CTR9: variants seen among roughly 807,000 people sequenced by gnomAD.
CTR9 encodes RNA polymerase-associated protein CTR9 homolog.
CTR9 carries 41 observed loss-of-function variants against 152.1 expected under a neutral mutation model. The observed-to-expected ratio is 0.27, with a 90% CI of 0.21 to 0.35. The LOEUF (loss-of-function observed/expected upper bound fraction) is 0.35, where lower values mean the gene tolerates loss of function less well. Ranked by LOEUF, CTR9 falls within the 10% of genes least tolerant of loss-of-function variation. CTR9 has a pLI of 1.00. For missense variants in CTR9, 917 were observed against 1,424.4 expected (o/e 0.64, Z 5.73); for synonymous variants, 476 against 496.2 (o/e 0.96, Z 0.54).
chr11:10,756,161 A>G (rs1262977533), intron 4 of CTR9, among the ~76,000 whole-genome samples: 1 of 152,198 alleles, frequency 6.6e-6, no homozygotes, highest in Non-Finnish European at 1.5e-5. Flanking sequence ...TAATTTTTTC[A>G]AAAAAGAGTA....
At chr11:10,774,670 G>C (rs1381641953) in intron 22 of CTR9, among the ~76,000 whole-genome samples, 4 of 152,200 alleles carry the variant, frequency 2.6e-5, no homozygotes, top group Non-Finnish European at 5.9e-5. Flanking sequence ...ATGCGGAGGT[G>C]CCTCCTAAGC....
intron 16 of CTR9, 128 bp downstream of exon 16, chr11:10,768,619 A>G: frequency 3.2e-6 from 3 of 946,318 alleles, no homozygotes; most frequent in East Asian, 2.9e-5. Context: ...TTAGAGATTT[A>G]TAATTATATA....
At chr11:10,761,098 TG>T (rs1862968514) in intron 6 of CTR9, among the ~76,000 whole-genome samples, 1 of 152,198 alleles carries the variant, frequency 6.6e-6, no homozygotes, top group South Asian at 2.1e-4. Context: ...GATAATTCTT[TG>T]TTGTGGGGAA....
chr11:10,775,696 T>C, intron 24 of CTR9, 63 bp downstream of exon 24: 1 of 1,086,222 alleles, frequency 9.2e-7, no homozygotes, highest in Non-Finnish European at 1.4e-6. Flanking sequence ...TGATTACTAA[T>C]CAGCCTGTCT....
At chr11:10,752,991 A>G (rs1335459401) in intron 2 of CTR9, among the ~76,000 whole-genome samples, 3 of 152,198 alleles carry the variant, frequency 2.0e-5, no homozygotes, top group Admixed American at 2.0e-4. Context: ...GGCAAAATTC[A>G]TTTAAGTAGT....
chr11:10,764,766 C>T (rs367711304), intron 12 of CTR9, 35 bp downstream of exon 12: 73 of 1,503,948 alleles, frequency 4.9e-5, no homozygotes, highest in Non-Finnish European at 5.4e-5. Flanking sequence ...TAATGAAATC[C>T]GTTCATTCCC....
At chr11:10,755,329 A>AG in intron 3 of CTR9, 132 bp downstream of exon 3, 1 of 1,099,040 alleles carries the variant, frequency 9.1e-7, no homozygotes, top group Non-Finnish European at 1.3e-6. Context: ...AAAAGAAGAA[A>AG]GGTTCCTCAT....
At chr11:10,771,156 A>G (rs1238156214) in intron 18 of CTR9, among the ~76,000 whole-genome samples, 1 of 152,226 alleles carries the variant, frequency 6.6e-6, no homozygotes, top group African/African-American at 2.4e-5. Context: ...GTGTGGTGAA[A>G]TTAAAACCTG....
intron 16 of CTR9, among the ~76,000 whole-genome samples, chr11:10,768,971 T>C (rs1013019535): frequency 3.9e-5 from 6 of 152,050 alleles, no homozygotes; most frequent in African/African-American, 1.5e-4. Flanking sequence ...CCCAGCACTT[T>C]GGGAGGCTGA....
chr11:10,751,337 T>C lies in CTR9; in HGVS notation c.-76T>C. On this transcript the variant is annotated 5_prime_UTR_variant, in exon 1 of 25. Coordinates refer to ENST00000361367, the MANE Select transcript of CTR9 (RefSeq NM_014633.5). ...ACCAGAGCCGGAGCCGTCACTCACCTCTGGATTAGCCTGAAGCGGAGACTA... is the reference window on the plus strand; with the variant it reads ...ACCAGAGCCGGAGCCGTCACTCACCCCTGGATTAGCCTGAAGCGGAGACTA... The C allele has an allele frequency of 6.6e-7, 1 of 1,522,354 alleles. No individual in the cohort carries two copies. The highest frequency in any genetic ancestry group is 9.1e-7 in the Non-Finnish European group (1 of 1,100,176). The allele number at this position is 1,522,354 out of a possible 1,614,324, so 94.3% of individuals were successfully genotyped here.
In CTR9 at chr11:10,761,917, A is replaced by T. The variant is rs747052740; in HGVS notation, c.742-30A>T. 4 of 1,426,938 alleles carry T rather than the reference A, an allele frequency of 2.8e-6. No individual in the cohort carries two copies. In the Admixed American group the frequency reaches 8.2e-5, roughly 29 times the overall value. The allele number at this position is 1,426,938 out of a possible 1,614,324, so 88.4% of individuals were successfully genotyped here. A position where few individuals can be genotyped will look rare whatever the true frequency, so the allele number is the denominator to read the frequency against. On this transcript the variant is annotated intron_variant, in intron 6 of 24. Coordinates refer to ENST00000361367, the MANE Select transcript of CTR9 (RefSeq NM_014633.5). ...AAAGTGCTAATTTAGTATTGTTTTC[A>T]CTCCACCTTGTTGCAATGTTTTCTT...
chr11:10,768,325 A>G lies in CTR9; in HGVS notation c.1961-18A>G, dbSNP rs1336776248. The G allele has an allele frequency of 1.9e-6, 3 of 1,603,470 alleles. No individual in the cohort carries two copies. In the African/African-American group the frequency reaches 4.0e-5, roughly 22 times the overall value. On this transcript the variant is annotated intron_variant, in intron 15 of 24. Transcript: ENST00000361367. ...CCAATTAGAAAATTGTTAAGTGTGAACCTTTTTATATCTTTAGGAGCTGTT... is the reference window on the plus strand; with the variant it reads ...CCAATTAGAAAATTGTTAAGTGTGAGCCTTTTTATATCTTTAGGAGCTGTT...
At chr11:10,777,513 C>T (rs999262907) in intron 24 of CTR9, among the ~76,000 whole-genome samples, 2 of 152,144 alleles carry the variant, frequency 1.3e-5, no homozygotes, top group African/African-American at 4.8e-5. Flanking sequence ...TAGTGTTACC[C>T]AGGTCTGTTT....
At chr11:10,772,416 A>G (rs1015175814) in intron 19 of CTR9, 104 bp from the exon 20 acceptor site, 173 of 976,008 alleles carry the variant, frequency 1.8e-4, no homozygotes, top group Non-Finnish European at 2.3e-4. Context: ...AGATCAGCTA[A>G]TGGTCCTGCT....
At position 10,772,634 on chromosome 11, in the gene CTR9, G is replaced by A. The variant is rs1271949752; in HGVS notation, c.2559G>A (p.Arg853=). ...AAGAGCAAGAAAAGGAGCTGTTAAGGCAGAAACTTCTTAAAGAACAGGTAT... is the reference window on the plus strand; with the variant it reads ...AAGAGCAAGAAAAGGAGCTGTTAAGACAGAAACTTCTTAAAGAACAGGTAT... ...AKQEQEKELL[R]QKLLKEQEEK... is the part of the protein sequence containing the mutation. Residue 853 remains arginine (R), a synonymous_variant, in exon 20 of 25, where the codon AGG becomes AGA. Coordinates refer to ENST00000361367, the MANE Select transcript of CTR9 (RefSeq NM_014633.5). 1.2e-6 allele frequency: 2 copies of A among 1,602,268 alleles called. No homozygotes were observed. The highest frequency in any genetic ancestry group is 1.7e-6 in the Non-Finnish European group (2 of 1,176,198).
chr11:10,751,270 G>A lies in CTR9; in HGVS notation c.-143G>A, dbSNP rs1232637188. ...CGTTGTTTAAGCGGCTGACGGGAAG[G>A]AGAAGCCAGAGCTCCAGCGGCGCCG... On this transcript the variant is annotated 5_prime_UTR_variant, in exon 1 of 25. Coordinates refer to ENST00000361367, the MANE Select transcript of CTR9 (RefSeq NM_014633.5). The A allele has an allele frequency of 1.1e-5, 9 of 811,822 alleles. No homozygotes were observed. Among genetic ancestry groups the A allele is most frequent in the South Asian group, 3.1e-5 (2 of 63,880 alleles). 50.3% of individuals were successfully genotyped at this position (811,822 alleles called of 1,614,324 possible).
At chr11:10,776,367 A>AT (rs1157031084) in intron 24 of CTR9, among the ~76,000 whole-genome samples, 1 of 152,138 alleles carries the variant, frequency 6.6e-6, no homozygotes, top group African/African-American at 2.4e-5. Flanking sequence ...TGGAGGACTT[A>AT]TCCTAGACTC....
At position 10,771,615 on chromosome 11, in the gene CTR9, A is replaced by G; in HGVS notation, c.2443A>G (p.Arg815Gly). The G allele has an allele frequency of 1.2e-6, 2 of 1,608,710 alleles. No homozygotes were observed. Among genetic ancestry groups the G allele is most frequent in the Non-Finnish European group, 1.7e-6 (2 of 1,175,138 alleles). The change falls in exon 19 of 25, where the codon AGG becomes GGG. Residue 815 changes from arginine to glycine, a missense_variant and splice_region_variant. Transcript: ENST00000361367. ...FDLALAATEARQCSDLLSQAQ... is the reference protein window; with the variant it reads ...FDLALAATEAGQCSDLLSQAQ... ...TTTGGCCCTTGCTGCTACAGAAGCCAGGTAATGTTACTATTTATGGAAGGT... is the reference window on the plus strand; with the variant it reads ...TTTGGCCCTTGCTGCTACAGAAGCCGGGTAATGTTACTATTTATGGAAGGT...
intron 6 of CTR9, 125 bp downstream of exon 6, chr11:10,760,446 A>G: frequency 5.6e-6 from 5 of 900,232 alleles, no homozygotes; most frequent in Non-Finnish European, 8.3e-6. Flanking sequence ...GGGTACCTGT[A>G]CTTTGTAATG....
Sources: allele counts gnomAD v4.1 joint callset (sites outside exome capture counted in the v4.1 genomes callset), GRCh38; gene constraint gnomAD v4.1.1; transcripts MANE v1.5; gene names NCBI Gene and HGNC (gene_info 2026-07-23, HGNC 2026-07-21).